The following VPS26A variants were observed in gnomAD, a reference collection of about 807,000 sequenced individuals.
The protein encoded by VPS26A is vacuolar protein sorting-associated protein 26A.
Under a neutral mutation model 42.4 loss-of-function variants are expected in VPS26A, and 22 were observed. That is an observed-to-expected ratio of 0.52 (90% confidence interval 0.37 to 0.74). VPS26A has a LOEUF of 0.74. Among genes scored for constraint, VPS26A ranks in the 30% least tolerant of loss-of-function variants. The probability of loss-of-function intolerance (pLI) is 0.00; values close to 1 mark genes in which losing one functional copy is unlikely to be tolerated. For synonymous variants in VPS26A, 110 were observed against 123.5 expected (o/e 0.89, Z 0.73); for missense variants, 276 against 379.2 (o/e 0.73, Z 2.26).
chr10:69,136,630 G>A (rs1172094491), intron 2 of VPS26A, among the ~76,000 whole-genome samples: 4 of 151,994 alleles, frequency 2.6e-5, no homozygotes, highest in Admixed American at 2.6e-4. Flanking sequence ...ATTGGGAGTT[G>A]CAGAATGGTG....
intron 1 of VPS26A, among the ~76,000 whole-genome samples, chr10:69,125,927 T>A (rs1840641922): frequency 6.6e-6 from 1 of 152,206 alleles, no homozygotes; most frequent in African/African-American, 2.4e-5. Context: ...AATATTGGGT[T>A]CAGAAATTAT....
At chr10:69,128,880 C>T (rs1163058319) in intron 1 of VPS26A, among the ~76,000 whole-genome samples, 4 of 151,354 alleles carry the variant, frequency 2.6e-5, no homozygotes, top group African/African-American at 9.7e-5. Context: ...CCTGTAGTCC[C>T]AGCTACTTGG....
At chr10:69,145,928 C>A (rs1318466503) in intron 2 of VPS26A, among the ~76,000 whole-genome samples, 1 of 152,110 alleles carries the variant, frequency 6.6e-6, no homozygotes, top group Non-Finnish European at 1.5e-5. Flanking sequence ...TACAAATCTT[C>A]TTTCTTTCTT....
chr10:69,164,578 C>T (rs1841643399), intron 6 of VPS26A, among the ~76,000 whole-genome samples: 1 of 152,166 alleles, frequency 6.6e-6, no homozygotes, highest in South Asian at 2.1e-4. Context: ...TGTGGTGGTT[C>T]ATGCCATGTA....
intron 5 of VPS26A, 39 bp downstream of exon 5, chr10:69,158,250 C>A: frequency 6.7e-7 from 1 of 1,486,354 alleles, no homozygotes; most frequent in Non-Finnish European, 9.0e-7. Flanking sequence ...AGAGAAAATT[C>A]AAAAATTAAC....
chr10:69,132,457 T>C (rs2132188354), intron 1 of VPS26A, among the ~76,000 whole-genome samples: 1 of 152,086 alleles, frequency 6.6e-6, no homozygotes, highest in Non-Finnish European at 1.5e-5. Context: ...TTCTTTCTTT[T>C]TTGAGACGGA....
In VPS26A at chr10:69,173,160, AT is replaced by A. The variant is rs1301472824; in HGVS notation, c.*1893del. ...ATTTCAGTCAAAAGTCAGCCAGCTA[AT>A]TAGAAGTCATAAACTGAAAAAGAAA... On this transcript the variant is annotated 3_prime_UTR_variant, in exon 9 of 9. Transcript: ENST00000263559. 6.6e-6 allele frequency among the ~76,000 whole-genome samples: 1 copy of A among 152,214 alleles called. No individual in the cohort carries two copies. The highest frequency in any genetic ancestry group is 1.5e-5 in the Non-Finnish European group (1 of 68,038).
intron 2 of VPS26A, among the ~76,000 whole-genome samples, chr10:69,133,317 TA>T (rs1554853194): frequency 6.6e-6 from 1 of 151,790 alleles, no homozygotes; most frequent in Non-Finnish European, 1.5e-5. Context: ...AAAAAAAAAA[TA>T]TTTTTTTTTT....
At chr10:69,162,544 C>A in intron 6 of VPS26A, 32 bp downstream of exon 6, 1 of 1,362,234 alleles carries the variant, frequency 7.3e-7, no homozygotes, top group Non-Finnish European at 1.0e-6. Context: ...AATTAAAATT[C>A]TTTGTTTTAG....
At chr10:69,166,319 T>C (rs1841686484) in intron 7 of VPS26A, among the ~76,000 whole-genome samples, 1 of 152,252 alleles carries the variant, frequency 6.6e-6, no homozygotes, top group Non-Finnish European at 1.5e-5. Context: ...AGTTTCAATT[T>C]AGGATTTACT....
intron 2 of VPS26A, among the ~76,000 whole-genome samples, chr10:69,134,447 C>T (rs118010882): frequency 6.6e-6 from 1 of 152,200 alleles, no homozygotes; most frequent in East Asian, 1.9e-4. Flanking sequence ...GGCCAAAATT[C>T]GTGAAATATC....
At chr10:69,126,323 T>C (rs1351922669) in intron 1 of VPS26A, among the ~76,000 whole-genome samples, 1 of 151,876 alleles carries the variant, frequency 6.6e-6, no homozygotes, top group African/African-American at 2.4e-5. Context: ...CAAAAAAAAA[T>C]TGGCCAAGTG....
At chr10:69,155,973 A>G (rs1841422412) in intron 3 of VPS26A, 86 bp downstream of exon 3, 1 of 1,001,786 alleles carries the variant, frequency 1.0e-6, no homozygotes, top group African/African-American at 1.6e-5. Flanking sequence ...ATTGAATTAG[A>G]GCTTAGCTTT....
intron 7 of VPS26A, among the ~76,000 whole-genome samples, 184 bp from the exon 8 acceptor site, chr10:69,168,305 C>T (rs1043022496): frequency 2.7e-4 from 41 of 152,160 alleles, no homozygotes; most frequent in African/African-American, 9.9e-4. Flanking sequence ...ATAGGACCCT[C>T]CCCACAACAA....
intron 2 of VPS26A, among the ~76,000 whole-genome samples, chr10:69,143,448 T>A (rs1196246646): frequency 6.6e-6 from 1 of 152,188 alleles, no homozygotes; most frequent in Non-Finnish European, 1.5e-5. Context: ...TAAATTCCTT[T>A]TTAATATTCC....
chr10:69,133,496 T>TAAC (rs902605331), intron 2 of VPS26A: 3 of 1,174,684 alleles, frequency 2.6e-6, no homozygotes, highest in African/African-American at 3.2e-5. Context: ...TACCTCTCTG[T>TAAC]ACTGCTACTA....
intron 4 of VPS26A, 40 bp from the exon 5 acceptor site, chr10:69,158,007 A>G (rs1402656578): frequency 1.3e-6 from 2 of 1,510,264 alleles, no homozygotes; most frequent in South Asian, 1.3e-5. Flanking sequence ...AAAATTTATC[A>G]CAGGTGATTT....
At chr10:69,149,501 T>G (rs1048732720) in intron 2 of VPS26A, among the ~76,000 whole-genome samples, 3 of 152,164 alleles carry the variant, frequency 2.0e-5, no homozygotes, top group African/African-American at 7.2e-5. Flanking sequence ...AGTACATTAT[T>G]GGAACACATT....
intron 5 of VPS26A, among the ~76,000 whole-genome samples, chr10:69,159,438 G>A (rs559896183): frequency 9.9e-5 from 15 of 151,654 alleles, no homozygotes; most frequent in African/African-American, 3.6e-4. Context: ...CCAGAAGCGT[G>A]TCCATGATAT....
Sources: gnomAD v4.1 joint callset for allele counts (sites outside exome capture counted in the v4.1 genomes callset) on GRCh38, gnomAD v4.1.1 for gene constraint, MANE v1.5 for transcripts, NCBI Gene and HGNC (gene_info 2026-07-23, HGNC 2026-07-21) for gene names.